CAMK2D: variants seen among roughly 807,000 people sequenced by gnomAD.
The protein encoded by CAMK2D is calcium/calmodulin-dependent protein kinase type II subunit delta.
Under a neutral mutation model 84.0 loss-of-function variants are expected in CAMK2D, and 37 were observed. That is an observed-to-expected ratio of 0.44 (90% CI 0.34 to 0.58). CAMK2D has a LOEUF of 0.58. Ranked by LOEUF, CAMK2D falls within the 20% of genes least tolerant of loss-of-function variation. The pLI, the probability that CAMK2D is intolerant of heterozygous loss-of-function variation, is 0.02. For missense variants in CAMK2D, 448 were observed against 652.5 expected (o/e 0.69, Z 3.41); for synonymous variants, 202 against 212.5 (o/e 0.95, Z 0.43).
At chr4:113,461,806 T>C (rs945954350) in intron 17 of CAMK2D, among the ~76,000 whole-genome samples, 4 of 152,186 alleles carry the variant, frequency 2.6e-5, no homozygotes, top group East Asian at 3.8e-4. Context: ...GGGAGCAAAA[T>C]TTTTTAAATG....
chr4:113,694,658 G>A (rs977408238), intron 2 of CAMK2D, among the ~76,000 whole-genome samples: 1 of 152,056 alleles, frequency 6.6e-6, no homozygotes, highest in Admixed American at 6.6e-5. Flanking sequence ...ATCTTACTCT[G>A]TGCTTCATCC....
intron 13 of CAMK2D, among the ~76,000 whole-genome samples, chr4:113,509,367 C>T (rs192439558): frequency 1.4e-3 from 206 of 152,254 alleles, no homozygotes; most frequent in Admixed American, 3.2e-3. Flanking sequence ...GAGATTAAGA[C>T]ATTTAATTAT....
At chr4:113,579,590 T>C (rs552484794) in intron 4 of CAMK2D, among the ~76,000 whole-genome samples, 1 of 152,272 alleles carries the variant, frequency 6.6e-6, no homozygotes, top group East Asian at 1.9e-4. Context: ...GCTCCCTCTC[T>C]TGCCATGTGA....
chr4:113,466,349 A>G (rs74590850), intron 16 of CAMK2D, among the ~76,000 whole-genome samples: 9,287 of 152,146 alleles, frequency 0.061, 565 homozygotes, highest in East Asian at 0.21. Flanking sequence ...TAGTAAACAT[A>G]TTTCTCTTCA....
At chr4:113,737,003 A>G (rs1313449845) in intron 2 of CAMK2D, among the ~76,000 whole-genome samples, 1 of 152,174 alleles carries the variant, frequency 6.6e-6, no homozygotes, top group African/African-American at 2.4e-5. Context: ...ATCTCTATTT[A>G]TGTCATAGAA....
chr4:113,540,534 G>A (rs2098523491), intron 6 of CAMK2D, among the ~76,000 whole-genome samples: 1 of 152,148 alleles, frequency 6.6e-6, no homozygotes, highest in South Asian at 2.1e-4. Flanking sequence ...GGCCCTAACT[G>A]TTATTACCTA....
chr4:113,578,231 T>A (rs1298526691), intron 4 of CAMK2D, among the ~76,000 whole-genome samples: 1 of 152,190 alleles, frequency 6.6e-6, no homozygotes, highest in Non-Finnish European at 1.5e-5. Context: ...AGCCCCTTTG[T>A]TCACATTTCC....
chr4:113,672,117 C>T (rs2099289979), intron 2 of CAMK2D, among the ~76,000 whole-genome samples: 1 of 152,034 alleles, frequency 6.6e-6, no homozygotes, highest in South Asian at 2.1e-4. Context: ...ATTAAAATAC[C>T]TCAGATAATT....
chr4:113,574,450 C>A (rs1429692983), intron 4 of CAMK2D, among the ~76,000 whole-genome samples: 1 of 152,118 alleles, frequency 6.6e-6, no homozygotes, highest in Non-Finnish European at 1.5e-5. Flanking sequence ...TATTTTAGCA[C>A]AGAATAGTGG....
chr4:113,632,628 A>G (rs191459439), intron 3 of CAMK2D, among the ~76,000 whole-genome samples: 1 of 152,324 alleles, frequency 6.6e-6, no homozygotes, highest in African/African-American at 2.4e-5. Context: ...TTAAAAAAAA[A>G]AAAGAAAAAA....
At chr4:113,693,301 A>G (rs952819660) in intron 2 of CAMK2D, among the ~76,000 whole-genome samples, 3 of 152,242 alleles carry the variant, frequency 2.0e-5, no homozygotes, top group Non-Finnish European at 2.9e-5. Context: ...CCAGCCTGGA[A>G]GTCAAGAAAG....
chr4:113,601,870 AC>A (rs2098954682), intron 4 of CAMK2D, among the ~76,000 whole-genome samples: 2 of 150,962 alleles, frequency 1.3e-5, no homozygotes. Flanking sequence ...GATTTTTAAA[AC>A]TTTTTTGTAG....
chr4:113,711,978 G>A (rs1205277988), intron 2 of CAMK2D, among the ~76,000 whole-genome samples: 1 of 152,098 alleles, frequency 6.6e-6, no homozygotes, highest in Non-Finnish European at 1.5e-5. Context: ...CTAGGGGATG[G>A]AACTGGGAGG....
chr4:113,543,832 C>T (rs567537885), intron 6 of CAMK2D, among the ~76,000 whole-genome samples: 121 of 151,802 alleles, frequency 8.0e-4, no homozygotes, highest in South Asian at 6.3e-3. Context: ...CGCTCTGTTG[C>T]CCAGGCTGGA....
chr4:113,479,349 C>CA, intron 16 of CAMK2D, among the ~76,000 whole-genome samples: 1 of 152,178 alleles, frequency 6.6e-6, no homozygotes, highest in South Asian at 2.1e-4. Flanking sequence ...GCCAATTTTT[C>CA]AAAACAGTTG....
chr4:113,758,017 T>C (rs1220129728), intron 2 of CAMK2D, among the ~76,000 whole-genome samples: 2 of 152,140 alleles, frequency 1.3e-5, no homozygotes, highest in African/African-American at 2.4e-5. Flanking sequence ...GCCAAAAGTA[T>C]CTAGCACACA....
chr4:113,641,550 T>C (rs1377316055), intron 3 of CAMK2D, among the ~76,000 whole-genome samples: 1 of 152,198 alleles, frequency 6.6e-6, no homozygotes, highest in Non-Finnish European at 1.5e-5. Flanking sequence ...ACGAAAGTGA[T>C]AAAGAGGACA....
At chr4:113,709,595 C>A (rs998918623) in intron 2 of CAMK2D, among the ~76,000 whole-genome samples, 1 of 135,522 alleles carries the variant, frequency 7.4e-6, no homozygotes, top group Non-Finnish European at 1.5e-5. Context: ...CACTATCTTA[C>A]AATCTTCCAA....
intron 3 of CAMK2D, among the ~76,000 whole-genome samples, chr4:113,626,132 G>A (rs2099067374): frequency 6.6e-6 from 1 of 152,176 alleles, no homozygotes; most frequent in Admixed American, 6.5e-5. Context: ...AGGAACTGCT[G>A]AGAGAGTGGG....
Sources: allele counts gnomAD v4.1 joint callset (sites outside exome capture counted in the v4.1 genomes callset), GRCh38; gene constraint gnomAD v4.1.1; transcripts MANE v1.5; gene names NCBI Gene and HGNC (gene_info 2026-07-23, HGNC 2026-07-21).